Variants in RIPOR2 observed in about 807,000 individuals in gnomAD.
The protein encoded by RIPOR2 is rho family-interacting cell polarization regulator 2.
In RIPOR2, 39 loss-of-function variants were observed where a neutral mutation model predicts 114.5. That is an observed-to-expected ratio of 0.34 (90% confidence interval 0.26 to 0.44). RIPOR2 has a LOEUF of 0.44. RIPOR2 is among the 20% of genes least tolerant of loss of function. The pLI is 1.00. For synonymous variants in RIPOR2, 445 were observed against 484.4 expected (o/e 0.92, Z 1.07); for missense variants, 1,007 against 1,255.1 (o/e 0.80, Z 2.99).
At chr6:25,033,699 A>G (rs981338701) in intron 1 of RIPOR2, among the ~76,000 whole-genome samples, 3 of 152,218 alleles carry the variant, frequency 2.0e-5, no homozygotes, top group African/African-American at 4.8e-5. Context: ...GCCTTCTCCC[A>G]CAATGAGAAC....
At chr6:24,984,846 C>G (rs1581913492) in intron 1 of RIPOR2, among the ~76,000 whole-genome samples, 1 of 152,186 alleles carries the variant, frequency 6.6e-6, no homozygotes, top group African/African-American at 2.4e-5. Context: ...TGGTCCTCCC[C>G]TTTTCCCTGG....
intron 1 of RIPOR2, among the ~76,000 whole-genome samples, chr6:25,025,992 C>T (rs1165426450): frequency 6.6e-6 from 1 of 151,718 alleles, no homozygotes; most frequent in East Asian, 1.9e-4. Context: ...CGTGTATTCA[C>T]CAACAAAAGA....
At chr6:25,027,435 C>T (rs181999896) in intron 1 of RIPOR2, among the ~76,000 whole-genome samples, 71 of 152,280 alleles carry the variant, frequency 4.7e-4, no homozygotes, top group Non-Finnish European at 7.9e-4. Flanking sequence ...GGTCAGGGCC[C>T]AGGGTATAAA....
chr6:24,839,324 A>G lies in RIPOR2; in HGVS notation c.1858-52T>C, dbSNP rs912790777. ...AACATCAACATATCCGGAAAGAGAA[A>G]CCAGACACACGATGCTCAATTGGAG... On this transcript the variant is annotated intron_variant, in intron 13 of 21. Coordinates refer to ENST00000643898, the MANE Select transcript of RIPOR2 (RefSeq NM_001286445.3). 19 of 1,501,524 alleles carry G rather than the reference A, an allele frequency of 1.3e-5. No homozygotes were observed. In the South Asian group the frequency reaches 2.3e-4, roughly 18 times the overall value. 93.0% of individuals were successfully genotyped at this position (1,501,524 alleles called of 1,614,324 possible). A position where few individuals can be genotyped will look rare whatever the true frequency, so the allele number is the denominator to read the frequency against.
chr6:24,827,044 T>C (rs1348988096), intron 18 of RIPOR2, among the ~76,000 whole-genome samples: 1 of 152,164 alleles, frequency 6.6e-6, no homozygotes, highest in East Asian at 1.9e-4. Context: ...AATAAGAGCC[T>C]AGAGATGTAA....
At chr6:24,933,416 A>G (rs1771543707) in intron 1 of RIPOR2, among the ~76,000 whole-genome samples, 1 of 152,208 alleles carries the variant, frequency 6.6e-6, no homozygotes, top group Admixed American at 6.5e-5. Flanking sequence ...TAGACCGTGC[A>G]ATTCCAGAGC....
intron 1 of RIPOR2, among the ~76,000 whole-genome samples, chr6:24,934,259 G>A (rs569506819): frequency 1.3e-5 from 2 of 152,286 alleles, no homozygotes; most frequent in Admixed American, 1.3e-4. Flanking sequence ...TTTGCTTAAA[G>A]AGGAAACATC....
At chr6:24,982,908 C>T (rs530164926) in intron 1 of RIPOR2, among the ~76,000 whole-genome samples, 1 of 152,184 alleles carries the variant, frequency 6.6e-6, no homozygotes, top group South Asian at 2.1e-4. Flanking sequence ...TCTTTTCTTC[C>T]CTGCCTCACT....
At position 24,858,596 on chromosome 6, in the gene RIPOR2, T is replaced by C. The variant is rs1179896687; in HGVS notation, c.715+2377A>G. Among the ~76,000 whole-genome samples, 3 of 152,128 alleles carry C rather than the reference T, an allele frequency of 2.0e-5. No individual in the cohort carries two copies. The highest frequency in any genetic ancestry group is 4.4e-5 in the Non-Finnish European group (3 of 68,028). On this transcript the variant is annotated intron_variant, in intron 8 of 21. Coordinates refer to ENST00000643898, the MANE Select transcript of RIPOR2 (RefSeq NM_001286445.3). This position sits in a 1 kb window ranked among gnomAD's most constrained non-coding sequence, Gnocchi z 4.0. ...TTACCATTGAAAGCCTTCACAGATG[T>C]AGTTTCTGAGTTTGCCTGTTAGATG...
chr6:24,811,228 CTTTTTTTTTTTTTTTTT>C (rs59559836), intron 20 of RIPOR2, among the ~76,000 whole-genome samples: 1 of 93,782 alleles, frequency 1.1e-5, no homozygotes, highest in African/African-American at 4.0e-5. Context: ...TTCTCTCATT[CTTTTTTTTTTTTTTTTT>C]TTTTTTTTTT....
intron 1 of RIPOR2, among the ~76,000 whole-genome samples, chr6:24,992,120 T>C (rs1774849247): frequency 2.0e-5 from 3 of 152,164 alleles, no homozygotes; most frequent in East Asian, 3.8e-4. Context: ...TGCACTGAGT[T>C]AGGAAAGCAT....
At chr6:25,030,064 C>T (rs1238800438) in intron 1 of RIPOR2, among the ~76,000 whole-genome samples, 1 of 152,044 alleles carries the variant, frequency 6.6e-6, no homozygotes, top group Admixed American at 6.6e-5. Flanking sequence ...GTTACAGCCT[C>T]CACTATAGTG....
intron 15 of RIPOR2, among the ~76,000 whole-genome samples, chr6:24,833,572 C>A (rs189871168): frequency 6.6e-6 from 1 of 152,194 alleles, no homozygotes; most frequent in Admixed American, 6.5e-5. Context: ...TGTACTAACA[C>A]CCTTCCTGTG....
chr6:24,893,031 T>TA (rs888825529), intron 1 of RIPOR2, among the ~76,000 whole-genome samples: 31 of 152,224 alleles, frequency 2.0e-4, no homozygotes, highest in African/African-American at 7.5e-4. Context: ...ACCCTGTCTC[T>TA]AAAAAAACCA....
At position 24,804,896 on chromosome 6, in the gene RIPOR2, TG is replaced by T. The variant is rs1780682575; in HGVS notation, c.*1476del. On this transcript the variant is annotated 3_prime_UTR_variant, in exon 22 of 22. Coordinates refer to ENST00000643898, the MANE Select transcript of RIPOR2 (RefSeq NM_001286445.3). ...TTTAATAAGAGCTACTGAATGGTCT[TG>T]TACTTTGCTTAATGAACTTGCATCT... 1 of 152,212 alleles carries T rather than the reference TG, an allele frequency of 6.6e-6. No homozygotes were observed. The highest frequency in any genetic ancestry group is 1.5e-5 in the Non-Finnish European group (1 of 68,022). The allele number at this position is 152,212 out of a possible 1,614,324, so 9.4% of individuals were successfully genotyped here. A position where few individuals can be genotyped will look rare whatever the true frequency, so the allele number is the denominator to read the frequency against.
intron 19 of RIPOR2, 61 bp downstream of exon 19, chr6:24,825,162 TTAG>T (rs1760045541): frequency 4.4e-6 from 5 of 1,132,948 alleles, no homozygotes; most frequent in Non-Finnish European, 5.1e-6. Flanking sequence ...TGCTAAAATA[TTAG>T]TAGTAAATGA....
At chr6:24,810,766 T>A (rs570764649) in intron 20 of RIPOR2, among the ~76,000 whole-genome samples, 1 of 152,144 alleles carries the variant, frequency 6.6e-6, no homozygotes, top group East Asian at 1.9e-4. Context: ...AAGGTAATTT[T>A]TTTTTTAACC....
At chr6:24,918,424 A>C (rs922845619) in intron 1 of RIPOR2, among the ~76,000 whole-genome samples, 40 of 151,882 alleles carry the variant, frequency 2.6e-4, no homozygotes, top group African/African-American at 9.4e-4. Context: ...TTCTCTTTCC[A>C]TTGTAGGCCA....
chr6:24,927,140 C>T lies in RIPOR2; in HGVS notation c.61+8698G>A, dbSNP rs1238467274. On this transcript the variant is annotated intron_variant, in intron 1 of 21. Coordinates refer to ENST00000643898, the MANE Select transcript of RIPOR2 (RefSeq NM_001286445.3). ...TATTATAATCATCATCTCACTACCA[C>T]CACCACCACCACCACCACCACAACT... 4.0e-3 allele frequency among the ~76,000 whole-genome samples: 192 copies of T among 47,504 alleles called. 88 individuals are homozygous for T. The highest frequency in any genetic ancestry group is 0.022 in the Admixed American group (103 of 4,586). The allele number at this position is 47,504 out of a possible 152,430, so 31.2% of individuals were successfully genotyped here.
Sources: allele counts gnomAD v4.1 joint callset (sites outside exome capture counted in the v4.1 genomes callset), GRCh38; gene constraint gnomAD v4.1.1; non-coding constraint Gnocchi (gnomAD v3.1); transcripts MANE v1.5; gene names NCBI Gene and HGNC (gene_info 2026-07-23, HGNC 2026-07-21).